UTP20: variants seen among roughly 807,000 people sequenced by gnomAD.
The protein encoded by UTP20 is UTP20 small subunit processome component, also known as small subunit processome component 20 homolog.
UTP20 carries 164 observed loss-of-function variants against 329.5 expected under a neutral mutation model. That is an observed-to-expected ratio of 0.50 (90% confidence interval 0.44 to 0.57). UTP20 has a LOEUF of 0.57. UTP20 is among the 20% of genes least tolerant of loss of function. UTP20 has a pLI of 0.00. For synonymous variants in UTP20, 1,151 were observed against 1,159.3 expected (o/e 0.99, Z 0.14); for missense variants, 3,055 against 3,284.2 (o/e 0.93, Z 1.71).
At chr12:101,308,615 C>T (rs944821708) in intron 18 of UTP20, among the ~76,000 whole-genome samples, 1 of 151,876 alleles carries the variant, frequency 6.6e-6, no homozygotes, top group African/African-American at 2.4e-5. Context: ...AGCAGGGGCT[C>T]ATTGAACCTG....
At position 101,329,393 on chromosome 12, in the gene UTP20, C is replaced by T; in HGVS notation, c.3361C>T (p.Gln1121Ter). The change falls in exon 27 of 62, where the codon CAG becomes TAG. Residue 1121 changes from glutamine to a stop codon, truncating the protein, a stop_gained. Transcript: ENST00000261637. LOFTEE classifies it high-confidence loss of function. ...CAGCGCATACCTGCCGAAGATTTTGCAGATACTGCTCTGTATGACAGCAAC... is the reference window on the plus strand; with the variant it reads ...CAGCGCATACCTGCCGAAGATTTTGTAGATACTGCTCTGTATGACAGCAAC... ...LISAYLPKILQILLCMTATVS... is the reference protein window; with the variant it reads ...LISAYLPKIL 1.2e-6 allele frequency: 2 copies of T among 1,614,080 alleles called. No homozygotes were observed. The highest frequency in any genetic ancestry group is 1.7e-6 in the Non-Finnish European group (2 of 1,179,994).
chr12:101,283,318 C>G, intron 2 of UTP20, among the ~76,000 whole-genome samples: 1 of 152,110 alleles, frequency 6.6e-6, no homozygotes, highest in Non-Finnish European at 1.5e-5. Flanking sequence ...CTTTTCATGG[C>G]CTCTTATTCC....
At chr12:101,326,403 T>C (rs1868558740) in intron 25 of UTP20, among the ~76,000 whole-genome samples, 1 of 152,216 alleles carries the variant, frequency 6.6e-6, no homozygotes, top group Non-Finnish European at 1.5e-5. Flanking sequence ...CTTCATAGCA[T>C]AGAAATTATT....
chr12:101,308,291 A>G lies in UTP20; in HGVS notation c.2102A>G (p.Lys701Arg). 1.2e-6 allele frequency: 2 copies of G among 1,612,934 alleles called. No homozygotes were observed. The highest frequency in any genetic ancestry group is 1.7e-6 in the Non-Finnish European group (2 of 1,179,538). The stretch of plus-strand genomic sequence containing the variant: ...AGAGAGAAGCTTCTTCATTTGAGAA[A>G]ACTAAGACATGATGTGGTACAGACT... ...DYREKLLHLR[K>R]LRHDVVQTAV... Residue 701 changes from lysine to arginine, a missense_variant, in exon 18 of 62, where the codon AAA becomes AGA. By Grantham distance (26) the Lys-to-Arg change is conservative. Transcript: ENST00000261637.
chr12:101,362,446 G>A (rs1282530415), intron 44 of UTP20, among the ~76,000 whole-genome samples: 1 of 152,210 alleles, frequency 6.6e-6, no homozygotes, highest in Admixed American at 6.5e-5. Context: ...GCTCATGCCT[G>A]TAAACCCAGC....
chr12:101,302,389 G>A, intron 14 of UTP20, 59 bp from the exon 15 acceptor site: 6 of 1,022,426 alleles, frequency 5.9e-6, no homozygotes. Context: ...TAAGGTGTTT[G>A]ATAGTTAATA....
intron 26 of UTP20, among the ~76,000 whole-genome samples, chr12:101,327,664 G>C (rs568401047): frequency 6.6e-6 from 1 of 152,228 alleles, no homozygotes; most frequent in African/African-American, 2.4e-5. Context: ...TACCTCCTGT[G>C]CCCTGGACAC....
chr12:101,284,123 G>T (rs1871884619), intron 2 of UTP20, among the ~76,000 whole-genome samples: 2 of 151,906 alleles, frequency 1.3e-5, no homozygotes, highest in Admixed American at 1.3e-4. Context: ...GATACAGGGG[G>T]TACCTGTGCA....
chr12:101,334,419 T>A lies in UTP20; in HGVS notation c.3562-6T>A. On this transcript the variant is annotated splice_polypyrimidine_tract_variant and splice_region_variant and intron_variant, in intron 28 of 61. Transcript: ENST00000261637. Reference sequence around the variant, plus strand: ...TTGGTATTCTGTTTTTTACTTTGTCTCCTAGATCAGCAGGCTTGGATCTGA... The same window carrying A: ...TTGGTATTCTGTTTTTTACTTTGTCACCTAGATCAGCAGGCTTGGATCTGA... The A allele has an allele frequency of 6.2e-7, 1 of 1,610,526 alleles. No homozygotes were observed. The highest frequency in any genetic ancestry group is 8.5e-7 in the Non-Finnish European group (1 of 1,179,282).
chr12:101,292,388 CTG>C (rs1258987200), intron 10 of UTP20, among the ~76,000 whole-genome samples: 8 of 152,178 alleles, frequency 5.3e-5, no homozygotes, highest in African/African-American at 1.9e-4. Flanking sequence ...GTAGAGCTTA[CTG>C]TGTGCTGGGT....
chr12:101,368,708 C>A (rs1870180758), intron 48 of UTP20, among the ~76,000 whole-genome samples: 1 of 152,084 alleles, frequency 6.6e-6, no homozygotes, highest in Admixed American at 6.5e-5. Flanking sequence ...TCACAACCAC[C>A]CCTGAGGCAT....
At chr12:101,365,731 C>T in intron 46 of UTP20, 106 bp downstream of exon 46, 3 of 888,910 alleles carry the variant, frequency 3.4e-6, no homozygotes, top group African/African-American at 1.8e-5. Flanking sequence ...ATTATATCCA[C>T]CTGAGTTCTC....
chr12:101,282,597 G>C lies in UTP20; in HGVS notation c.126+1401G>C, dbSNP rs542591433. Among the ~76,000 whole-genome samples, 26 of 152,296 alleles carry C rather than the reference G, an allele frequency of 1.7e-4. No homozygotes were observed. In the South Asian group the frequency reaches 5.4e-3, roughly 32 times the overall value. On this transcript the variant is annotated intron_variant, in intron 2 of 61. Coordinates refer to ENST00000261637, the MANE Select transcript of UTP20 (RefSeq NM_014503.3). ...TGGGGTTTTATCCTGAAGCTGTAGG[G>C]ACTTAGAGTTCTAGGACTGTAAGCA...
chr12:101,355,748 A>G (rs1368200106), intron 41 of UTP20, among the ~76,000 whole-genome samples: 5 of 152,336 alleles, frequency 3.3e-5, no homozygotes, highest in African/African-American at 1.2e-4. Context: ...AACTCCTGGT[A>G]TAAAATATTG....
chr12:101,321,461 C>T (rs528641091), intron 24 of UTP20, 43 bp from the exon 25 acceptor site: 7 of 1,606,028 alleles, frequency 4.4e-6, no homozygotes, highest in Admixed American at 1.7e-5. Context: ...TTCAAAAGCA[C>T]TGTTGATAAA....
chr12:101,384,047 A>T (rs568838012), intron 60 of UTP20, among the ~76,000 whole-genome samples: 1 of 152,090 alleles, frequency 6.6e-6, no homozygotes, highest in South Asian at 2.1e-4. Context: ...GATAATTAAC[A>T]AATAGGCATA....
intron 44 of UTP20, 109 bp downstream of exon 44, chr12:101,362,169 GT>G (rs1386626806): frequency 2.7e-6 from 2 of 751,034 alleles, no homozygotes; most frequent in African/African-American, 3.6e-5. Flanking sequence ...TGAAAATAAT[GT>G]AACACCTCAT....
intron 17 of UTP20, among the ~76,000 whole-genome samples, chr12:101,307,889 C>T (rs1258657544): frequency 6.6e-6 from 1 of 152,030 alleles, no homozygotes; most frequent in East Asian, 1.9e-4. Context: ...GAAGCAAAAG[C>T]GTATGTGCAT....
intron 49 of UTP20, among the ~76,000 whole-genome samples, chr12:101,370,153 G>C (rs1047853912): frequency 1.3e-5 from 2 of 152,100 alleles, no homozygotes; most frequent in Non-Finnish European, 2.9e-5. Flanking sequence ...GGAGTTAGAG[G>C]CTGCAGTGAG....
Sources: gnomAD v4.1 joint callset for allele counts (sites outside exome capture counted in the v4.1 genomes callset) on GRCh38, gnomAD v4.1.1 for gene constraint, MANE v1.5 for transcripts, NCBI Gene and HGNC (gene_info 2026-07-23, HGNC 2026-07-21) for gene names.